The following PCDH15 variants were observed in gnomAD, a reference collection of about 807,000 sequenced individuals.
PCDH15 encodes protocadherin-15.
PCDH15 carries 129 observed loss-of-function variants against 178.5 expected under a neutral mutation model. The observed-to-expected ratio is 0.72, with a 90% CI of 0.63 to 0.84. The LOEUF is 0.84. Among genes scored for constraint, PCDH15 ranks in the 40% least tolerant of loss-of-function variants. The probability of loss-of-function intolerance (pLI) is 0.00; values close to 1 mark genes in which losing one functional copy is unlikely to be tolerated. For synonymous variants in PCDH15, 800 were observed against 732.0 expected, an observed-to-expected ratio of 1.09 and a Z score of -1.50; for missense variants, 2,230 against 2,099.9, an observed-to-expected ratio of 1.06 and a Z score of -1.21.
intron 2 of PCDH15, among the ~76,000 whole-genome samples, chr10:55,129,018 C>T (rs1837975477): frequency 6.6e-6 from 1 of 151,962 alleles, no homozygotes; most frequent in Non-Finnish European, 1.5e-5. Flanking sequence ...GCCTGATGTC[C>T]CATGGGATTA....
chr10:55,080,045 G>A (rs1222268408), intron 2 of PCDH15, among the ~76,000 whole-genome samples: 3 of 152,080 alleles, frequency 2.0e-5, no homozygotes, highest in Admixed American at 6.6e-5. Flanking sequence ...CCTGCTATTT[G>A]TGTTGGTGGG....
intron 2 of PCDH15, among the ~76,000 whole-genome samples, chr10:54,644,959 G>T (rs1372990702): frequency 6.6e-6 from 1 of 152,100 alleles, no homozygotes; most frequent in Non-Finnish European, 1.5e-5. Flanking sequence ...ACAGAGGCCA[G>T]GTCCTCACCA....
At chr10:54,845,541 G>A (rs950057883) in intron 3 of PCDH15, among the ~76,000 whole-genome samples, 2 of 152,114 alleles carry the variant, frequency 1.3e-5, no homozygotes, top group African/African-American at 4.8e-5. Context: ...AATTCTGCAT[G>A]TAATTGGGCA....
At chr10:55,495,947 T>C (rs927544285) in intron 2 of PCDH15, among the ~76,000 whole-genome samples, 4 of 151,926 alleles carry the variant, frequency 2.6e-5, no homozygotes, top group Non-Finnish European at 5.9e-5. Context: ...ATTCTATTTT[T>C]ATAAAATGTT....
At chr10:54,250,137 A>G (rs2132075205) in intron 8 of PCDH15, among the ~76,000 whole-genome samples, 1 of 150,070 alleles carries the variant, frequency 6.7e-6, no homozygotes, top group African/African-American at 2.5e-5. Flanking sequence ...CGAACTTCTG[A>G]GCTCAAGCAA....
chr10:53,963,675 A>G (rs1332025175), intron 21 of PCDH15, among the ~76,000 whole-genome samples: 1 of 152,130 alleles, frequency 6.6e-6, no homozygotes. Flanking sequence ...TAACTCTTCT[A>G]CTATAGATAA....
intron 2 of PCDH15, among the ~76,000 whole-genome samples, chr10:55,079,713 C>T (rs546461433): frequency 6.6e-6 from 1 of 152,144 alleles, no homozygotes; most frequent in Non-Finnish European, 1.5e-5. Context: ...AAACAGTGAA[C>T]GTTTGTGTTG....
At position 53,927,942 on chromosome 10, in the gene PCDH15, C is replaced by T. The variant is rs565567311; in HGVS notation, c.3373+10873G>A. Among the ~76,000 whole-genome samples the T allele has an allele frequency of 4.3e-3, 646 of 151,996 alleles. 4 individuals carry two copies. The highest frequency in any genetic ancestry group is 7.3e-3 in the Non-Finnish European group (495 of 67,894). The stretch of plus-strand genomic sequence containing the variant: ...AAAATGAGATGACCTTTAAACTGAC[C>T]CTTGTAGAATAATTGAGTTGATCTG... On this transcript the variant is annotated intron_variant, in intron 25 of 37. Transcript: ENST00000644397.
chr10:53,811,671 C>A, intron 35 of PCDH15, 52 bp from the exon 36 acceptor site: 1 of 1,195,762 alleles, frequency 8.4e-7, no homozygotes, highest in South Asian at 1.7e-5. Flanking sequence ...TATCACGTTT[C>A]AGGTCAAAGT....
chr10:54,483,365 C>A lies in PCDH15; in HGVS notation c.157+44447G>T, dbSNP rs939259110. Among the ~76,000 whole-genome samples, 12 of 151,642 alleles carry A rather than the reference C, an allele frequency of 7.9e-5. No homozygotes were observed. In the Admixed American group the frequency reaches 7.9e-4, roughly 10 times the overall value. On this transcript the variant is annotated intron_variant, in intron 3 of 37. Transcript: ENST00000644397. ...TGGTGTGGGATTTTGAGCAAAATTG[C>A]TTTATTTATTTTATTTATTTTATGA... is the stretch of plus-strand genomic sequence containing the variant.
At chr10:54,667,501 T>G (rs2094589766) in intron 1 of PCDH15, among the ~76,000 whole-genome samples, 1 of 152,138 alleles carries the variant, frequency 6.6e-6, no homozygotes, top group African/African-American at 2.4e-5. Context: ...ATCAAATGCT[T>G]TAGACAAAAG....
At position 55,046,551 on chromosome 10, in the gene PCDH15, A is replaced by G. The variant is rs139796421; in HGVS notation, c.-80+120025T>C. On this transcript the variant is annotated intron_variant, in intron 2 of 5. Transcript: ENST00000458638. Reference sequence around the variant, plus strand: ...TAAAAATAAGGTTATGAAAAGGCAGAGAATAATTTACATTAAATGATACAG... The same window carrying G: ...TAAAAATAAGGTTATGAAAAGGCAGGGAATAATTTACATTAAATGATACAG... 8.6e-3 allele frequency among the ~76,000 whole-genome samples: 1,315 copies of G among 152,106 alleles called. 10 individuals carry two copies. Among genetic ancestry groups the G allele is most frequent in the Non-Finnish European group, 0.014 (927 of 67,910 alleles).
At chr10:54,065,999 A>G (rs1415066159) in intron 18 of PCDH15, among the ~76,000 whole-genome samples, 1 of 152,120 alleles carries the variant, frequency 6.6e-6, no homozygotes, top group Non-Finnish European at 1.5e-5. Flanking sequence ...AGGACCCTGA[A>G]CTCTGGGTTT....
chr10:54,219,089 T>TAAAAAAA (rs746481539), intron 9 of PCDH15, among the ~76,000 whole-genome samples: 2 of 100,106 alleles, frequency 2.0e-5, no homozygotes, highest in Non-Finnish European at 3.9e-5. Flanking sequence ...CTGTCTCTAC[T>TAAAAAAA]AAAAAAAAAA....
chr10:54,989,276 A>C (rs1839446474), intron 2 of PCDH15, among the ~76,000 whole-genome samples: 1 of 152,162 alleles, frequency 6.6e-6, no homozygotes, highest in Non-Finnish European at 1.5e-5. Context: ...GTGGGGTCAG[A>C]GCCCCCACAC....
In PCDH15 at chr10:53,810,601, A is replaced by G. The variant is rs1588880146; in HGVS notation, c.4626T>C (p.Tyr1542=). The G allele has an allele frequency of 1.9e-6, 3 of 1,613,804 alleles. No homozygotes were observed. Among genetic ancestry groups the G allele is most frequent in the Non-Finnish European group, 2.5e-6 (3 of 1,179,790 alleles). Residue 1542 remains tyrosine, a synonymous_variant, in exon 37 of 38, where the codon TAT becomes TAC. Transcript: ENST00000644397. ...RLLPPAGQEE[Y]GEVVGEAEEE... ...CCTCAGCTTCACCAACCACCTCACC[A>G]TATTCCTCCTGTCCAGCTGGTGGTA...
chr10:54,806,121 C>T (rs544482560), upstream of PCDH15, among the ~76,000 whole-genome samples: 1 of 152,102 alleles, frequency 6.6e-6, no homozygotes, highest in African/African-American at 2.4e-5. Flanking sequence ...CTATCTTATA[C>T]TTTCCTTAGG....
intron 25 of PCDH15, among the ~76,000 whole-genome samples, chr10:53,916,585 T>C (rs2083549383): frequency 6.6e-6 from 1 of 152,170 alleles, no homozygotes; most frequent in African/African-American, 2.4e-5. Flanking sequence ...ACTAGCTCTC[T>C]ACAAAAAGCA....
chr10:55,070,476 C>G (rs2132012105), intron 2 of PCDH15, among the ~76,000 whole-genome samples: 1 of 152,186 alleles, frequency 6.6e-6, no homozygotes, highest in South Asian at 2.1e-4. Flanking sequence ...GGAAGGGATC[C>G]AGTTTCAGCT....
Sources: gnomAD v4.1 joint callset for allele counts (sites outside exome capture counted in the v4.1 genomes callset) on GRCh38, gnomAD v4.1.1 for gene constraint, MANE v1.5 for transcripts, NCBI Gene and HGNC (gene_info 2026-07-23, HGNC 2026-07-21) for gene names.